The following TRARG1 variants were observed in gnomAD, a reference collection of about 807,000 sequenced individuals.
TRARG1 encodes trafficking regulator of GLUT4 1.
A neutral mutation model predicts 13.3 loss-of-function variants in TRARG1; 16 were observed. The ratio of observed to expected loss-of-function variants is 1.20; its 90% CI spans 0.81 to 1.83. TRARG1 has a LOEUF of 1.83. Ranked by LOEUF, TRARG1 falls within the 40% of genes most tolerant of loss-of-function variation. The pLI is 0.00. For synonymous variants in TRARG1, 113 were observed against 106.2 expected (o/e 1.06, Z -0.39); for missense variants, 250 against 237.4 (o/e 1.05, Z -0.35).
chr17:1,283,133 A>C (rs1287340487), intron 1 of TRARG1, among the ~76,000 whole-genome samples: 1 of 152,234 alleles, frequency 6.6e-6, no homozygotes. Context: ...ACATATTTCC[A>C]GAAGTGCCCG....
intron 1 of TRARG1, 108 bp downstream of exon 1, chr17:1,280,496 GGGAGTGGGGGGCTT>G: frequency 8.2e-7 from 1 of 1,225,618 alleles, no homozygotes; most frequent in Non-Finnish European, 1.1e-6. Context: ...AGAGAGAGCT[GGGAGTGGGGGGCTT>G]GGGGAAGACT....
rs545633834 is a variant in TRARG1 at position 1,292,617 on chromosome 17, G to A, written c.388-2874G>A. ...TACACATTTGCCATGCAGCACCTTC[G>A]CACATGGCTGTTATCTCTGCCTGGG... On this transcript the variant is annotated intron_variant, in intron 1 of 2. Coordinates refer to ENST00000333813, the MANE Select transcript of TRARG1 (RefSeq NM_172367.3). 2.3e-4 allele frequency among the ~76,000 whole-genome samples: 35 copies of A among 152,226 alleles called. 1 individual carries two copies. The highest frequency in any genetic ancestry group is 2.0e-3 in the Admixed American group (30 of 15,296).
At chr17:1,280,475 G>A (rs1045078201) in intron 1 of TRARG1, 87 bp downstream of exon 1, 3 of 1,368,632 alleles carry the variant, frequency 2.2e-6, no homozygotes, top group Admixed American at 2.3e-5. Flanking sequence ...ACACTGCCCA[G>A]GGTGTGGAGA....
chr17:1,296,371 A>AT lies in TRARG1; in HGVS notation c.520+753dup, dbSNP rs1335700645. Among the ~76,000 whole-genome samples the AT allele has an allele frequency of 6.0e-5, 9 of 149,860 alleles. 1 individual carries two copies. Among genetic ancestry groups the AT allele is most frequent in the East Asian group, 4.0e-4 (2 of 4,960 alleles). On this transcript the variant is annotated intron_variant, in intron 2 of 2. Transcript: ENST00000333813. ...GCCACCACGCCCGACTAATTTTTGT[A>AT]TTTTTAGTAGAGACGGTTTCATCAT...
In TRARG1 at chr17:1,280,008, C is replaced by T. The variant is rs75616699; in HGVS notation, c.7C>T (p.His3Tyr). 1,081 of 1,610,384 alleles carry T rather than the reference C, an allele frequency of 6.7e-4. 23 individuals carry two copies. The East Asian group carries it at 0.023, about 34-fold the overall frequency. Residue 3 changes from histidine (H) to tyrosine (Y), a missense_variant, in exon 1 of 3, where the codon CAC becomes TAC. Physicochemically the swap from His to Tyr is moderately conservative, Grantham distance 83. Coordinates refer to ENST00000333813, the MANE Select transcript of TRARG1 (RefSeq NM_172367.3). ...GCGCAAGGCCCAGGCCCCCATGGCC[C>T]ACCCGGTGCAGTCCGAGTTTCCTTC... The part of the protein sequence containing the change: MA[H>Y]PVQSEFPSAQ...
chr17:1,285,289 T>C (rs914357771), intron 1 of TRARG1, among the ~76,000 whole-genome samples: 3 of 152,006 alleles, frequency 2.0e-5, no homozygotes, highest in African/African-American at 7.2e-5. Flanking sequence ...CACACACCTA[T>C]AATCCCAGCT....
rs143565959 is a variant in TRARG1, at chr17:1,294,298, C to G, written c.388-1193C>G. The stretch of plus-strand genomic sequence containing the variant: ...TAGGTTCAGGAAGAACAGAGCTCAC[C>G]GAGGAGTGATACATAAAACAAGGCC... On this transcript the variant is annotated intron_variant, in intron 1 of 2. Transcript: ENST00000333813. 4.3e-3 allele frequency among the ~76,000 whole-genome samples: 646 copies of G among 151,998 alleles called. 7 individuals carry two copies. The highest frequency in any genetic ancestry group is 0.015 in the African/African-American group (621 of 41,454).
At chr17:1,280,676 A>C (rs940938326) in intron 1 of TRARG1, among the ~76,000 whole-genome samples, 3 of 152,160 alleles carry the variant, frequency 2.0e-5, no homozygotes, top group Admixed American at 6.5e-5. Flanking sequence ...CTGGCGATAC[A>C]TCCCGCGGGG....
Position 1,280,363 on chromosome 17 carries a change from T to TCATCC in TRARG1, c.364_368dup (p.Leu124SerfsTer47). ...TTCTGCCCCGTCTGGCCCCTCAACC[T>TCATCC]CATCCCCCTCATCATTTCCATCATG... is the stretch of plus-strand genomic sequence containing the variant. On this transcript the variant is annotated frameshift_variant, in exon 1 of 3. Coordinates refer to ENST00000333813, the MANE Select transcript of TRARG1 (RefSeq NM_172367.3). LOFTEE classifies it high-confidence loss of function. 6.2e-7 allele frequency: 1 copy of TCATCC among 1,604,104 alleles called. No individual in the cohort carries two copies. The highest frequency in any genetic ancestry group is 8.5e-7 in the Non-Finnish European group (1 of 1,175,050).
chr17:1,282,124 GTACATATACACGCATATA>G, intron 1 of TRARG1, among the ~76,000 whole-genome samples: 1 of 72,426 alleles, frequency 1.4e-5, no homozygotes, highest in Non-Finnish European at 2.7e-5. Flanking sequence ...ATGCACATAT[GTACATATACACGCATATA>G]TGTACGTATA....
At chr17:1,291,112 G>C (rs2072066015) in intron 1 of TRARG1, among the ~76,000 whole-genome samples, 2 of 151,878 alleles carry the variant, frequency 1.3e-5, no homozygotes, top group African/African-American at 2.4e-5. Context: ...CACCATGTTG[G>C]TCAGGCTGGT....
intron 1 of TRARG1, among the ~76,000 whole-genome samples, chr17:1,293,635 TTGGGTTTGATGATGTCATGGGC>T (rs1354066889): frequency 6.6e-6 from 1 of 151,536 alleles, no homozygotes; most frequent in Non-Finnish European, 1.5e-5. Flanking sequence ...ATGTCGCAGG[TTGGGTTTGATGATGTCATGGGC>T]TGGGTTTGAT....
chr17:1,296,864 C>T lies in TRARG1; in HGVS notation c.520+1241C>T, dbSNP rs773285788. Among the ~76,000 whole-genome samples the T allele has an allele frequency of 5.3e-5, 8 of 152,082 alleles. No homozygotes were observed. The East Asian group carries it at 1.4e-3, about 26-fold the overall frequency. ...TGCATCACGTTGGCCAGGCTGGTCT[C>T]GAACTCCCGACCTCAGGTGATCCAC... is the stretch of plus-strand genomic sequence containing the variant. On this transcript the variant is annotated intron_variant, in intron 2 of 2. Transcript: ENST00000333813.
At chr17:1,287,393 C>T (rs2072032210) in intron 1 of TRARG1, among the ~76,000 whole-genome samples, 1 of 151,936 alleles carries the variant, frequency 6.6e-6, no homozygotes, top group Non-Finnish European at 1.5e-5. Flanking sequence ...CAGAGTCTCG[C>T]TCTGTCACCC....
chr17:1,298,400 G>T lies in TRARG1; in HGVS notation c.*136G>T. On this transcript the variant is annotated 3_prime_UTR_variant, in exon 3 of 3. Coordinates refer to ENST00000333813, the MANE Select transcript of TRARG1 (RefSeq NM_172367.3). ...AGTTCCAAAAGCACAGACTCAAAGG[G>T]AAACCCCCCAGTCACCCACTGTCAG... is the stretch of plus-strand genomic sequence containing the variant. 1.1e-6 allele frequency: 1 copy of T among 934,360 alleles called. No individual in the cohort carries two copies. Among genetic ancestry groups the T allele is most frequent in the Non-Finnish European group, 1.6e-6 (1 of 625,196 alleles). The allele number at this position is 934,360 out of a possible 1,614,324, so 57.9% of individuals were successfully genotyped here.
At chr17:1,280,692 A>G (rs2071966967) in intron 1 of TRARG1, among the ~76,000 whole-genome samples, 1 of 152,174 alleles carries the variant, frequency 6.6e-6, no homozygotes, top group Non-Finnish European at 1.5e-5. Context: ...CGGGGCAGAA[A>G]GATAGCCAGG....
In TRARG1 at chr17:1,298,304, C is replaced by A; in HGVS notation, c.*40C>A. The A allele has an allele frequency of 6.2e-7, 1 of 1,609,740 alleles. No homozygotes were observed. On this transcript the variant is annotated 3_prime_UTR_variant, in exon 3 of 3. Coordinates refer to ENST00000333813, the MANE Select transcript of TRARG1 (RefSeq NM_172367.3). The stretch of plus-strand genomic sequence containing the variant: ...CTGGGCTAGCAGAGGCCGGCCCTGG[C>A]CATCGGGAGAGCTCTGACCTGCACA...
chr17:1,294,747 A>G (rs111896634), intron 1 of TRARG1, among the ~76,000 whole-genome samples: 6,396 of 132,008 alleles, frequency 0.048, 426 homozygotes, highest in African/African-American at 0.17. Context: ...GTGCAGTGGC[A>G]CAATCTTGGC....
chr17:1,293,810 G>A (rs1260237264), intron 1 of TRARG1, among the ~76,000 whole-genome samples: 2 of 152,104 alleles, frequency 1.3e-5, no homozygotes, highest in African/African-American at 4.8e-5. Context: ...GAGCAGTGAA[G>A]AGAACAGGAC....
Sources: allele counts gnomAD v4.1 joint callset (sites outside exome capture counted in the v4.1 genomes callset), GRCh38; gene constraint gnomAD v4.1.1; transcripts MANE v1.5; gene names NCBI Gene and HGNC (gene_info 2026-07-23, HGNC 2026-07-21).